Variants in BMERB1 observed in about 807,000 individuals in gnomAD.
BMERB1 encodes bMERB domain containing 1.
In BMERB1, 12 loss-of-function variants were observed where a neutral mutation model predicts 23.6. That is an observed-to-expected ratio of 0.51 (90% CI 0.33 to 0.82). The LOEUF (loss-of-function observed/expected upper bound fraction) is 0.82. BMERB1 is among the 40% of genes least tolerant of loss of function. The pLI is 0.03. For synonymous variants in BMERB1, 122 were observed against 96.6 expected, an observed-to-expected ratio of 1.26 and a Z score of -1.54; for missense variants, 247 against 255.4, an observed-to-expected ratio of 0.97 and a Z score of 0.22.
intron 1 of BMERB1, among the ~76,000 whole-genome samples, chr16:15,478,997 G>C (rs2051296628): frequency 1.3e-5 from 2 of 152,110 alleles, no homozygotes; most frequent in South Asian, 4.1e-4. Flanking sequence ...TTTGTCTTTT[G>C]TTTTTTGTTT....
intron 2 of BMERB1, among the ~76,000 whole-genome samples, chr16:15,552,958 C>T (rs986575425): frequency 6.6e-6 from 1 of 152,146 alleles, no homozygotes; most frequent in Non-Finnish European, 1.5e-5. Context: ...AGAATGGCTT[C>T]AGCCCAGGAG....
chr16:15,493,337 G>A (rs2150939912), intron 1 of BMERB1, among the ~76,000 whole-genome samples: 1 of 152,326 alleles, frequency 6.6e-6, no homozygotes, highest in African/African-American at 2.4e-5. Context: ...CTGTCACAGT[G>A]TAGAAGAGTC....
intron 1 of BMERB1, among the ~76,000 whole-genome samples, chr16:15,443,264 C>T (rs1400986663): frequency 1.4e-5 from 2 of 143,970 alleles, no homozygotes; most frequent in Admixed American, 6.9e-5. Context: ...CAAAAAAAAA[C>T]ACCACAGGCT....
chr16:15,475,120 C>T (rs532894832), intron 1 of BMERB1, among the ~76,000 whole-genome samples: 2 of 152,308 alleles, frequency 1.3e-5, no homozygotes, highest in East Asian at 3.9e-4. Context: ...CCTGACAGTG[C>T]TGCATTGCTT....
intron 1 of BMERB1, among the ~76,000 whole-genome samples, chr16:15,445,675 GC>G (rs1205999549): frequency 6.6e-6 from 1 of 152,146 alleles, no homozygotes; most frequent in Non-Finnish European, 1.5e-5. Flanking sequence ...GCACCCTCAT[GC>G]CTTGCTGGTA....
intron 1 of BMERB1, among the ~76,000 whole-genome samples, chr16:15,465,995 A>C (rs1412515155): frequency 6.6e-6 from 1 of 152,214 alleles, no homozygotes; most frequent in Non-Finnish European, 1.5e-5. Context: ...TCTTCCACTG[A>C]TAATAGGTTG....
chr16:15,488,947 A>G (rs992046368), intron 1 of BMERB1, among the ~76,000 whole-genome samples: 4 of 148,660 alleles, frequency 2.7e-5, no homozygotes, highest in Non-Finnish European at 5.9e-5. Context: ...CGGGGTTTCT[A>G]CACTCTAGGG....
chr16:15,571,207 A>G (rs1310546476), intron 3 of BMERB1, among the ~76,000 whole-genome samples: 1 of 152,172 alleles, frequency 6.6e-6, no homozygotes, highest in East Asian at 1.9e-4. Context: ...AAAAATGTCT[A>G]TAGATGTACA....
intron 2 of BMERB1, among the ~76,000 whole-genome samples, chr16:15,541,001 C>T (rs2052072770): frequency 1.3e-5 from 2 of 151,866 alleles, no homozygotes; most frequent in African/African-American, 4.8e-5. Flanking sequence ...GTTAAAAGAC[C>T]CCATCCCACC....
chr16:15,457,746 A>G (rs2051097552), intron 1 of BMERB1, among the ~76,000 whole-genome samples: 1 of 152,226 alleles, frequency 6.6e-6, no homozygotes, highest in Non-Finnish European at 1.5e-5. Flanking sequence ...TTCTTCAAGA[A>G]ATAGCTTGGA....
chr16:15,560,892 T>C (rs550666887), intron 2 of BMERB1, among the ~76,000 whole-genome samples: 1 of 151,356 alleles, frequency 6.6e-6, no homozygotes, highest in South Asian at 2.1e-4. Context: ...ACTTGTTAGC[T>C]CCATTCCTCA....
At chr16:15,496,251 A>G (rs543799585) in intron 1 of BMERB1, among the ~76,000 whole-genome samples, 1 of 152,136 alleles carries the variant, frequency 6.6e-6, no homozygotes, top group Admixed American at 6.6e-5. Context: ...GATGATTATG[A>G]TAGTGATAGT....
At chr16:15,529,856 C>T (rs2051949940) in intron 2 of BMERB1, among the ~76,000 whole-genome samples, 1 of 152,156 alleles carries the variant, frequency 6.6e-6, no homozygotes. Flanking sequence ...GCGTTATTTT[C>T]CTGTGGCTAC....
intron 2 of BMERB1, among the ~76,000 whole-genome samples, chr16:15,531,205 C>T (rs1375006623): frequency 6.6e-6 from 1 of 152,116 alleles, no homozygotes; most frequent in Non-Finnish European, 1.5e-5. Context: ...TCACGCCCAG[C>T]CTTAAACCTC....
rs150172096 is a variant in BMERB1, at chr16:15,448,497, G to T, written c.106+13738G>T. Reference sequence around the variant, plus strand: ...TGTCATTAGCCTGAGGTCTTAACCAGTTAAAAATATCAGCATCCAGGCGCA... The same window carrying T: ...TGTCATTAGCCTGAGGTCTTAACCATTTAAAAATATCAGCATCCAGGCGCA... On this transcript the variant is annotated intron_variant, in intron 1 of 5. Transcript: ENST00000300006. Among the ~76,000 whole-genome samples the T allele has an allele frequency of 5.6e-3, 858 of 152,234 alleles. 8 individuals are homozygous for T. Among genetic ancestry groups the T allele is most frequent in the African/African-American group, 0.02 (814 of 41,562 alleles).
intron 1 of BMERB1, among the ~76,000 whole-genome samples, chr16:15,480,998 G>A (rs2051316368): frequency 6.6e-6 from 1 of 152,144 alleles, no homozygotes; most frequent in Admixed American, 6.5e-5. Flanking sequence ...TTAGAGCATT[G>A]TGTCTAATAA....
rs1405596950 is a variant in BMERB1, at chr16:15,550,675, G to C, written c.231-17308G>C. ...AGAAGGCTCCTGACTGAAAGAACGGGATAAAGTAAGGGGGTATGGGAACAG... is the reference window on the plus strand; with the variant it reads ...AGAAGGCTCCTGACTGAAAGAACGGCATAAAGTAAGGGGGTATGGGAACAG... On this transcript the variant is annotated intron_variant, in intron 2 of 5. Transcript: ENST00000300006. Among the ~76,000 whole-genome samples the C allele has an allele frequency of 3.3e-5, 5 of 152,080 alleles. 1 individual carries two copies.
intron 2 of BMERB1, among the ~76,000 whole-genome samples, chr16:15,525,993 AGCCAGTAGCTTCATGTG>A: frequency 6.6e-6 from 1 of 152,188 alleles, no homozygotes; most frequent in African/African-American, 2.4e-5. Context: ...ACCCCTGGTT[AGCCAGTAGCTTCATGTG>A]GCTATTTCAG....
intron 2 of BMERB1, among the ~76,000 whole-genome samples, chr16:15,525,956 A>G (rs1212695278): frequency 6.6e-6 from 1 of 152,108 alleles, no homozygotes; most frequent in African/African-American, 2.4e-5. Flanking sequence ...ACAGGTGATT[A>G]TAACCTGCAG....
Sources: allele counts gnomAD v4.1 joint callset (sites outside exome capture counted in the v4.1 genomes callset), GRCh38; gene constraint gnomAD v4.1.1; transcripts MANE v1.5; gene names NCBI Gene and HGNC (gene_info 2026-07-23, HGNC 2026-07-21).